The following CDON variants were observed in gnomAD, a reference collection of about 807,000 sequenced individuals.
The protein encoded by CDON is cell adhesion molecule-related/down-regulated by oncogenes.
Under a neutral mutation model 120.9 loss-of-function variants are expected in CDON, and 73 were observed. The observed-to-expected ratio is 0.60, with a 90% confidence interval of 0.50 to 0.73. The LOEUF is 0.73. Among genes scored for constraint, CDON ranks in the 30% least tolerant of loss-of-function variants. CDON has a pLI of 0.00. For missense variants in CDON, 1,470 were observed against 1,587.3 expected, an observed-to-expected ratio of 0.93 and a Z score of 1.26; for synonymous variants, 566 against 573.5, an observed-to-expected ratio of 0.99 and a Z score of 0.19.
rs1948759426 is a variant in CDON at position 126,060,020 on chromosome 11, CCTT to C, written c.-62+2556_-62+2558del. ...CATTAAGAATATTCCATACACCATCCCTTCTTTTTAACAAAAAAGAATCAAGTA... is the reference window on the plus strand; with the variant it reads ...CATTAAGAATATTCCATACACCATCCCTTTTTAACAAAAAAGAATCAAGTA... On this transcript the variant is annotated intron_variant, in intron 1 of 19. Transcript: ENST00000531738. 3.3e-5 allele frequency among the ~76,000 whole-genome samples: 5 copies of C among 152,016 alleles called. No homozygotes were observed. In the South Asian group the frequency reaches 1.0e-3, roughly 32 times the overall value.
At chr11:125,972,223 C>A (rs139120926) in intron 18 of CDON, among the ~76,000 whole-genome samples, 2 of 148,800 alleles carry the variant, frequency 1.3e-5, no homozygotes, top group Non-Finnish European at 3.0e-5. Context: ...GCCAGGAGTG[C>A]GAGACCAGCC....
intron 17 of CDON, among the ~76,000 whole-genome samples, chr11:125,979,517 C>T (rs1454278529): frequency 6.6e-6 from 1 of 152,076 alleles, no homozygotes; most frequent in Non-Finnish European, 1.5e-5. Flanking sequence ...GTCACTAACA[C>T]TGTTAAAATT....
At chr11:125,963,272 C>T (rs186260097) in intron 18 of CDON, among the ~76,000 whole-genome samples, 5 of 152,206 alleles carry the variant, frequency 3.3e-5, no homozygotes, top group Admixed American at 6.5e-5. Flanking sequence ...GCTATTCTAC[C>T]ATTACTGGAA....
intron 1 of CDON, among the ~76,000 whole-genome samples, chr11:126,055,545 T>G (rs916253788): frequency 6.6e-6 from 1 of 152,176 alleles, no homozygotes; most frequent in Non-Finnish European, 1.5e-5. Context: ...AGAAAAGATC[T>G]TGAATATGGT....
intron 13 of CDON, among the ~76,000 whole-genome samples, 165 bp downstream of exon 13, chr11:125,994,706 C>T (rs1425557387): frequency 6.6e-6 from 1 of 152,216 alleles, no homozygotes; most frequent in East Asian, 1.9e-4. Context: ...AACCCTGCCC[C>T]TCCTCAAAAT....
chr11:126,053,369 C>T (rs718443), intron 1 of CDON, among the ~76,000 whole-genome samples: 28,257 of 152,082 alleles, frequency 0.19, 3,612 homozygotes, highest in Non-Finnish European at 0.27. Flanking sequence ...GGAACTACTG[C>T]TCGGATGCTA....
intron 18 of CDON, among the ~76,000 whole-genome samples, chr11:125,967,996 A>G (rs1349854443): frequency 1.3e-5 from 2 of 152,244 alleles, no homozygotes; most frequent in Middle Eastern, 3.2e-3. Context: ...TGCTAGAATT[A>G]TAGGTGTGGG....
At chr11:126,047,238 G>A (rs1031170485) in intron 1 of CDON, among the ~76,000 whole-genome samples, 9 of 152,206 alleles carry the variant, frequency 5.9e-5, no homozygotes, top group Middle Eastern at 3.4e-3. Flanking sequence ...AGGAGATGGA[G>A]GGGGAAAGGG....
rs1475324910 is a variant in CDON at position 126,052,436 on chromosome 11, G to A, written c.-62+10143C>T. 2.6e-5 allele frequency among the ~76,000 whole-genome samples: 4 copies of A among 152,080 alleles called. No homozygotes were observed. In the South Asian group the frequency reaches 6.2e-4, roughly 24 times the overall value. ...ATAATATGACTTGAAAATATGTTAA[G>A]TAGAGGTATACACACTTGACACTTG... On this transcript the variant is annotated intron_variant, in intron 1 of 19. Coordinates refer to ENST00000531738, the MANE Select transcript of CDON (RefSeq NM_001378964.1).
chr11:125,977,410 C>T (rs1378543414), intron 18 of CDON, among the ~76,000 whole-genome samples: 1 of 152,192 alleles, frequency 6.6e-6, no homozygotes, highest in Non-Finnish European at 1.5e-5. Flanking sequence ...CCAGAGACAA[C>T]TCTTAACCTG....
upstream of CDON, chr11:126,063,183 G>C (rs957262062): frequency 6.6e-6 from 1 of 151,298 alleles, no homozygotes; most frequent in Non-Finnish European, 1.5e-5. Flanking sequence ...GCATAGAAGA[G>C]GCTTTTCTTG....
At chr11:125,995,116 TAAGACAACTA>T in intron 12 of CDON, 64 bp from the exon 13 acceptor site, 2 of 1,413,296 alleles carry the variant, frequency 1.4e-6, no homozygotes, top group Non-Finnish European at 2.0e-6. Context: ...AAAGCTATAA[TAAGACAACTA>T]AAGGCAGAAT....
At chr11:126,000,860 A>AT (rs1946924115) in intron 11 of CDON, among the ~76,000 whole-genome samples, 1 of 152,168 alleles carries the variant, frequency 6.6e-6, no homozygotes, top group Admixed American at 6.5e-5. Flanking sequence ...TAGCAATGAA[A>AT]TTTTAAGTCT....
chr11:125,992,425 A>G (rs1946657359), intron 14 of CDON, among the ~76,000 whole-genome samples: 1 of 152,216 alleles, frequency 6.6e-6, no homozygotes, highest in Non-Finnish European at 1.5e-5. Flanking sequence ...ATGAATGTTC[A>G]CAAGCTGGAC....
chr11:126,013,441 T>C (rs1947363276), intron 7 of CDON, among the ~76,000 whole-genome samples: 1 of 152,192 alleles, frequency 6.6e-6, no homozygotes, highest in Non-Finnish European at 1.5e-5. Flanking sequence ...TGGCCCCTTA[T>C]TTTCTTTGTG....
Position 126,045,024 on chromosome 11 carries a change from A to C in CDON, c.-62+17555T>G, listed in dbSNP as rs537481152. On this transcript the variant is annotated intron_variant, in intron 1 of 19. Coordinates refer to ENST00000531738, the MANE Select transcript of CDON (RefSeq NM_001378964.1). ...AACTATTAGGTACCTATAATAATTT[A>C]AAATATATATATAGAGAGAGAGACG... Among the ~76,000 whole-genome samples the C allele has an allele frequency of 4.1e-5, 6 of 145,662 alleles. No homozygotes were observed. In the East Asian group the frequency reaches 1.2e-3, roughly 28 times the overall value.
intron 18 of CDON, among the ~76,000 whole-genome samples, chr11:125,974,927 A>G (rs753435175): frequency 7.7e-5 from 11 of 143,602 alleles, no homozygotes; most frequent in South Asian, 2.3e-4. Context: ...GATCCCTGTC[A>G]GTCAATGGCC....
intron 18 of CDON, among the ~76,000 whole-genome samples, chr11:125,974,366 TAGGA>T (rs1185064556): frequency 0.028 from 1,435 of 51,134 alleles, 68 homozygotes; most frequent in African/African-American, 0.077. Context: ...GGTAGGTAGG[TAGGA>T]AGGAAGGAAG....
intron 15 of CDON, among the ~76,000 whole-genome samples, chr11:125,987,049 G>A (rs1048889116): frequency 3.9e-5 from 6 of 152,172 alleles, no homozygotes; most frequent in Non-Finnish European, 7.3e-5. Flanking sequence ...TGGATATTCC[G>A]TATCATATAT....
Sources: gnomAD v4.1 joint callset for allele counts (sites outside exome capture counted in the v4.1 genomes callset) on GRCh38, gnomAD v4.1.1 for gene constraint, MANE v1.5 for transcripts, NCBI Gene and HGNC (gene_info 2026-07-23, HGNC 2026-07-21) for gene names.